NEGR1: variants seen among roughly 807,000 people sequenced by gnomAD.
NEGR1 encodes the protein IgLON family member 4.
A neutral mutation model predicts 40.9 loss-of-function variants in NEGR1; 10 were observed. That is an observed-to-expected ratio of 0.24 (90% CI 0.15 to 0.42). NEGR1 has a LOEUF of 0.42. Among genes scored for constraint, NEGR1 ranks in the 10% least tolerant of loss-of-function variants. NEGR1 has a pLI of 1.00. For missense variants in NEGR1, 352 were observed against 438.9 expected (o/e 0.80, Z 1.77); for synonymous variants, 185 against 166.8 (o/e 1.11, Z -0.84).
intron 4 of NEGR1, among the ~76,000 whole-genome samples, chr1:71,631,551 G>T (rs1038713359): frequency 3.3e-5 from 5 of 151,678 alleles, no homozygotes; most frequent in African/African-American, 1.2e-4. Context: ...ATCACAAATA[G>T]CTCCATATTC....
At chr1:71,694,304 A>G (rs770344358) in intron 4 of NEGR1, among the ~76,000 whole-genome samples, 1 of 151,176 alleles carries the variant, frequency 6.6e-6, no homozygotes, top group Non-Finnish European at 1.5e-5. Context: ...AATTTTCATG[A>G]CCCCTTTTCA....
At chr1:72,074,747 C>A (rs2100516358) in intron 1 of NEGR1, among the ~76,000 whole-genome samples, 1 of 152,154 alleles carries the variant, frequency 6.6e-6, no homozygotes, top group African/African-American at 2.4e-5. Flanking sequence ...TCTATATTTT[C>A]AAATATGCCT....
intron 2 of NEGR1, among the ~76,000 whole-genome samples, chr1:71,833,362 CACTAACT>C (rs1026062590): frequency 1.3e-5 from 2 of 151,928 alleles, no homozygotes; most frequent in African/African-American, 4.8e-5. Context: ...AGGGAAATAC[CACTAACT>C]ACTATCAGTG....
chr1:71,580,560 G>C (rs1210912606), intron 6 of NEGR1, among the ~76,000 whole-genome samples: 1 of 152,104 alleles, frequency 6.6e-6, no homozygotes, highest in Non-Finnish European at 1.5e-5. Context: ...AATTTTGTCA[G>C]AGGTCATTAT....
intron 2 of NEGR1, among the ~76,000 whole-genome samples, chr1:71,882,427 C>T (rs983781870): frequency 1.3e-5 from 2 of 151,938 alleles, no homozygotes; most frequent in African/African-American, 2.4e-5. Flanking sequence ...GAACTGCCCA[C>T]GTGGTTTGAG....
rs148309424 is a variant in NEGR1 at position 71,791,377 on chromosome 1, G to C, written c.410-15080C>G. ...TGTATTGAATCTATATGGTAGAAAT[G>C]GTCTGCTACTGCATATCTCTCCTCA... On this transcript the variant is annotated intron_variant, in intron 2 of 6. Transcript: ENST00000357731. Among the ~76,000 whole-genome samples, 726 of 152,014 alleles carry C rather than the reference G, an allele frequency of 4.8e-3. 5 individuals are homozygous for C. The highest frequency in any genetic ancestry group is 0.017 in the African/African-American group (688 of 41,496).
At chr1:71,583,647 T>C (rs2101508493) in intron 6 of NEGR1, among the ~76,000 whole-genome samples, 1 of 152,358 alleles carries the variant, frequency 6.6e-6, no homozygotes, top group African/African-American at 2.4e-5. Context: ...CCCAAGGAGT[T>C]ATAATTTTTT....
chr1:72,122,859 A>G (rs1031770299), intron 1 of NEGR1, among the ~76,000 whole-genome samples: 1 of 151,976 alleles, frequency 6.6e-6, no homozygotes, highest in African/African-American at 2.4e-5. Context: ...GCAGTGTTAG[A>G]TCACGATTAA....
chr1:71,709,134 ATGTATTTCTG>A (rs1653996513), intron 3 of NEGR1, among the ~76,000 whole-genome samples: 1 of 152,114 alleles, frequency 6.6e-6, no homozygotes, highest in African/African-American at 2.4e-5. Flanking sequence ...GCTAGGTCAA[ATGTATTTCTG>A]GTTCTAGGTC....
chr1:71,730,720 G>A (rs978920251), intron 3 of NEGR1, among the ~76,000 whole-genome samples: 1 of 151,408 alleles, frequency 6.6e-6, no homozygotes, highest in Non-Finnish European at 1.5e-5. Context: ...AATATGAAAA[G>A]TCACAAAATG....
chr1:71,611,608 T>TA (rs1381698992), intron 4 of NEGR1, among the ~76,000 whole-genome samples: 4 of 152,222 alleles, frequency 2.6e-5, no homozygotes, highest in Admixed American at 2.0e-4. Context: ...TCAGAGATGT[T>TA]AAATGAATTG....
intron 1 of NEGR1, among the ~76,000 whole-genome samples, chr1:72,078,619 TCA>T (rs1491312530): frequency 9.3e-6 from 1 of 107,374 alleles, no homozygotes; most frequent in African/African-American, 3.1e-5. Flanking sequence ...TCATATACAC[TCA>T]TATATATATA....
At chr1:72,205,372 T>C (rs762572006) in intron 1 of NEGR1, among the ~76,000 whole-genome samples, 2 of 151,692 alleles carry the variant, frequency 1.3e-5, no homozygotes, top group Non-Finnish European at 2.9e-5. Flanking sequence ...AGTAAGGGAC[T>C]GATTCTCAGG....
At chr1:71,709,020 T>C (rs1346089987) in intron 3 of NEGR1, among the ~76,000 whole-genome samples, 1 of 152,234 alleles carries the variant, frequency 6.6e-6, no homozygotes, top group Non-Finnish European at 1.5e-5. Context: ...ATTCCATGAC[T>C]TTGCTATTAT....
At chr1:71,490,651 T>C (rs1250326319) in intron 6 of NEGR1, among the ~76,000 whole-genome samples, 1 of 151,922 alleles carries the variant, frequency 6.6e-6, no homozygotes, top group African/African-American at 2.4e-5. Flanking sequence ...ACCTTGGCAA[T>C]GACATGAAAG....
chr1:71,580,953 C>A (rs554174139), intron 6 of NEGR1, among the ~76,000 whole-genome samples: 1 of 151,930 alleles, frequency 6.6e-6, no homozygotes, highest in African/African-American at 2.4e-5. Context: ...AGAAATTCTG[C>A]GATTTATTTA....
At chr1:71,974,641 A>G (rs1222298538) in intron 1 of NEGR1, among the ~76,000 whole-genome samples, 8 of 152,162 alleles carry the variant, frequency 5.3e-5, no homozygotes, top group Non-Finnish European at 1.0e-4. Flanking sequence ...ATATTTCTGA[A>G]TCCTATACAA....
intron 1 of NEGR1, among the ~76,000 whole-genome samples, chr1:72,008,163 T>C (rs762470162): frequency 6.6e-6 from 1 of 152,080 alleles, no homozygotes; most frequent in Non-Finnish European, 1.5e-5. Context: ...TTAATGGGTG[T>C]CAATTATTAC....
intron 2 of NEGR1, among the ~76,000 whole-genome samples, chr1:71,837,763 CA>C (rs1659092486): frequency 6.6e-6 from 1 of 152,094 alleles, no homozygotes; most frequent in African/African-American, 2.4e-5. Context: ...CTATTTAAAG[CA>C]GTAAAGCAAG....
Sources: allele counts gnomAD v4.1 joint callset (sites outside exome capture counted in the v4.1 genomes callset), GRCh38; gene constraint gnomAD v4.1.1; transcripts MANE v1.5; gene names NCBI Gene and HGNC (gene_info 2026-07-23, HGNC 2026-07-21).